KCNMA1: variants seen among roughly 807,000 people sequenced by gnomAD.
The protein encoded by KCNMA1 is potassium calcium-activated channel subfamily M alpha 1.
In KCNMA1, 29 loss-of-function variants were observed where a neutral mutation model predicts 140.0. The observed-to-expected ratio is 0.21, with a 90% CI of 0.15 to 0.28. The LOEUF (loss-of-function observed/expected upper bound fraction) is 0.28. Among genes scored for constraint, KCNMA1 ranks in the 10% least tolerant of loss-of-function variants. The pLI is 1.00. For missense variants in KCNMA1, 880 were observed against 1,602.2 expected, an observed-to-expected ratio of 0.55 and a Z score of 7.70; for synonymous variants, 612 against 611.9, an observed-to-expected ratio of 1.00 and a Z score of 0.00.
intron 3 of KCNMA1, among the ~76,000 whole-genome samples, chr10:77,215,118 C>T (rs2047297619): frequency 6.6e-6 from 1 of 152,084 alleles, no homozygotes; most frequent in African/African-American, 2.4e-5. Flanking sequence ...CCTTAGCCCC[C>T]AGTGCAGCCC....
intron 2 of KCNMA1, among the ~76,000 whole-genome samples, chr10:77,258,218 T>C (rs1029928525): frequency 5.3e-5 from 8 of 152,226 alleles, no homozygotes; most frequent in Non-Finnish European, 8.8e-5. Flanking sequence ...AAACCATGTA[T>C]ACATAAGTCT....
At chr10:77,469,157 C>T (rs2098098440) in intron 1 of KCNMA1, among the ~76,000 whole-genome samples, 1 of 152,180 alleles carries the variant, frequency 6.6e-6, no homozygotes, top group Admixed American at 6.5e-5. Flanking sequence ...CCTGTGTTCT[C>T]TCCACCCAAT....
chr10:77,213,437 C>A (rs554968915), intron 3 of KCNMA1, among the ~76,000 whole-genome samples: 1 of 152,254 alleles, frequency 6.6e-6, no homozygotes, highest in South Asian at 2.1e-4. Context: ...TACAATCAGC[C>A]CTTAGACAGA....
intron 2 of KCNMA1, among the ~76,000 whole-genome samples, chr10:77,396,222 A>G (rs576431237): frequency 6.6e-6 from 1 of 152,224 alleles, no homozygotes; most frequent in Non-Finnish European, 1.5e-5. Context: ...TGAAACCTCT[A>G]GTCTTTCTGC....
chr10:77,209,102 C>T (rs2045152861), intron 3 of KCNMA1, among the ~76,000 whole-genome samples: 1 of 152,156 alleles, frequency 6.6e-6, no homozygotes, highest in Non-Finnish European at 1.5e-5. Context: ...TGTCTCTTCG[C>T]CTCTCCTCTC....
chr10:77,168,927 C>T (rs1318092440), intron 5 of KCNMA1, among the ~76,000 whole-genome samples: 4 of 152,000 alleles, frequency 2.6e-5, no homozygotes, highest in Non-Finnish European at 5.9e-5. Flanking sequence ...CATGTCATTG[C>T]CATAAACAAT....
intron 1 of KCNMA1, among the ~76,000 whole-genome samples, chr10:77,626,188 G>A (rs1436675882): frequency 6.6e-6 from 1 of 152,068 alleles, no homozygotes; most frequent in African/African-American, 2.4e-5. Context: ...GAGAAAACAG[G>A]GTTGTGAAAG....
intron 3 of KCNMA1, among the ~76,000 whole-genome samples, chr10:77,223,939 C>G (rs916194808): frequency 3.3e-5 from 5 of 152,170 alleles, no homozygotes; most frequent in Non-Finnish European, 1.5e-5. Flanking sequence ...AACAGAGGAG[C>G]CTCTTCCAGC....
rs1555434748 is a variant in KCNMA1, at chr10:77,544,150, C to CTCTGTGTGTGTGTGTGTG, written c.378+93114_378+93115insCACACACACACACACAGA. On this transcript the variant is annotated intron_variant, in intron 1 of 27. Coordinates refer to ENST00000286628, the MANE Select transcript of KCNMA1 (RefSeq NM_001161352.2). ...ATCTGTGATCTACATATCTTTCCAG[C>CTCTGTGTGTGTGTGTGTG]TGTGTGTGTGTGTGTGTGTGTGTGT... 9.8e-5 allele frequency among the ~76,000 whole-genome samples: 14 copies of CTCTGTGTGTGTGTGTGTG among 142,554 alleles called. No individual in the cohort carries two copies. The East Asian group carries it at 1.0e-3, about 10-fold the overall frequency. The allele number at this position is 142,554 out of a possible 152,430, so 93.5% of individuals were successfully genotyped here. A position where few individuals can be genotyped will look rare whatever the true frequency, so the allele number is the denominator to read the frequency against.
downstream of KCNMA1, chr10:76,876,127 T>C (rs1375714183): frequency 6.6e-6 from 1 of 152,616 alleles, no homozygotes; most frequent in Non-Finnish European, 1.5e-5. Context: ...AGTGGACATA[T>C]GTCTTCATGA....
At chr10:77,387,033 G>A (rs574532890) in intron 2 of KCNMA1, among the ~76,000 whole-genome samples, 1 of 152,210 alleles carries the variant, frequency 6.6e-6, no homozygotes, top group Non-Finnish European at 1.5e-5. Flanking sequence ...GAAAGAACCC[G>A]GGAGTGGGCT....
intron 5 of KCNMA1, among the ~76,000 whole-genome samples, chr10:77,155,815 A>G (rs1411353946): frequency 6.6e-6 from 1 of 152,152 alleles, no homozygotes; most frequent in Admixed American, 6.5e-5. Flanking sequence ...ATGTCACAAA[A>G]CCCTGACACA....
intron 1 of KCNMA1, among the ~76,000 whole-genome samples, chr10:77,615,957 C>T (rs2089311904): frequency 6.6e-6 from 1 of 152,166 alleles, no homozygotes; most frequent in Non-Finnish European, 1.5e-5. Context: ...TGCTATTATA[C>T]TCACAAAACC....
chr10:77,387,575 T>TC (rs1202656325), intron 2 of KCNMA1, among the ~76,000 whole-genome samples: 21 of 149,884 alleles, frequency 1.4e-4, no homozygotes, highest in African/African-American at 4.3e-4. Flanking sequence ...TCTTTTCTTT[T>TC]TTTTCTTTTC....
At chr10:77,592,856 C>A (rs1236231769) in intron 1 of KCNMA1, among the ~76,000 whole-genome samples, 1 of 152,154 alleles carries the variant, frequency 6.6e-6, no homozygotes, top group Non-Finnish European at 1.5e-5. Context: ...TGAGTGTGCC[C>A]CGGCAGCCTG....
chr10:77,200,642 G>GAA (rs34553224), intron 3 of KCNMA1, among the ~76,000 whole-genome samples: 7,650 of 145,840 alleles, frequency 0.052, 232 homozygotes, highest in Non-Finnish European at 0.068. Flanking sequence ...TAATCTTCTG[G>GAA]AAAAAAAAAA....
chr10:77,026,014 T>C (rs972080111), intron 16 of KCNMA1, among the ~76,000 whole-genome samples: 1 of 148,984 alleles, frequency 6.7e-6, no homozygotes, highest in African/African-American at 2.4e-5. Context: ...TATATATATA[T>C]ATATACTAAA....
intron 1 of KCNMA1, among the ~76,000 whole-genome samples, chr10:77,474,233 C>T (rs2098229294): frequency 6.6e-6 from 1 of 152,178 alleles, no homozygotes; most frequent in Non-Finnish European, 1.5e-5. Context: ...TGAATTGGTT[C>T]CCTGCAAATC....
intron 26 of KCNMA1, among the ~76,000 whole-genome samples, chr10:76,891,176 G>A (rs560243971): frequency 8.5e-5 from 13 of 152,330 alleles, no homozygotes; most frequent in Admixed American, 6.5e-4. Context: ...CAGAGGATAC[G>A]TGAAGAGAAC....
Sources: allele counts gnomAD v4.1 joint callset (sites outside exome capture counted in the v4.1 genomes callset), GRCh38; gene constraint gnomAD v4.1.1; transcripts MANE v1.5; gene names NCBI Gene and HGNC (gene_info 2026-07-23, HGNC 2026-07-21).